The following DLG2 variants were observed in gnomAD, a reference collection of about 807,000 sequenced individuals.
DLG2 encodes discs large MAGUK scaffold protein 2.
DLG2 carries 45 observed loss-of-function variants against 132.5 expected under a neutral mutation model. The observed-to-expected ratio is 0.34, with a 90% CI of 0.27 to 0.44. The LOEUF (loss-of-function observed/expected upper bound fraction) is 0.44, where lower values mean the gene tolerates loss of function less well. DLG2 is among the 20% of genes least tolerant of loss of function. DLG2 has a pLI of 1.00. For synonymous variants in DLG2, 424 were observed against 419.6 expected, an observed-to-expected ratio of 1.01 and a Z score of -0.13; for missense variants, 1,045 against 1,196.9, an observed-to-expected ratio of 0.87 and a Z score of 1.87.
chr11:84,654,367 A>G (rs574737740), intron 6 of DLG2, among the ~76,000 whole-genome samples: 1 of 152,176 alleles, frequency 6.6e-6, no homozygotes, highest in Non-Finnish European at 1.5e-5. Flanking sequence ...GCATTCATAA[A>G]TGTTTTCTTA....
chr11:84,572,252 C>A (rs1053549704), intron 6 of DLG2, among the ~76,000 whole-genome samples: 6 of 152,090 alleles, frequency 3.9e-5, no homozygotes, highest in African/African-American at 1.4e-4. Context: ...AAAATGATTA[C>A]AATTCTTTAT....
intron 6 of DLG2, among the ~76,000 whole-genome samples, chr11:84,793,287 A>AT (rs1598274829): frequency 6.6e-6 from 1 of 152,108 alleles, no homozygotes; most frequent in East Asian, 1.9e-4. Flanking sequence ...TATTATTTCA[A>AT]TTTTTTAAAT....
intron 3 of DLG2, among the ~76,000 whole-genome samples, chr11:85,396,441 G>T (rs2087379134): frequency 6.6e-6 from 1 of 152,148 alleles, no homozygotes; most frequent in Non-Finnish European, 1.5e-5. Flanking sequence ...AGAGGTGACA[G>T]AACTAGGCTT....
At chr11:84,974,376 G>A (rs979683485) in intron 6 of DLG2, among the ~76,000 whole-genome samples, 1 of 152,172 alleles carries the variant, frequency 6.6e-6, no homozygotes, top group African/African-American at 2.4e-5. Flanking sequence ...AGTTCAGCCA[G>A]TTACTATTAA....
At chr11:84,459,775 T>A (rs529352769) in intron 7 of DLG2, among the ~76,000 whole-genome samples, 7 of 150,796 alleles carry the variant, frequency 4.6e-5, no homozygotes, top group African/African-American at 1.2e-4. Flanking sequence ...GAAGTATACA[T>A]CTTTTAATAC....
intron 7 of DLG2, among the ~76,000 whole-genome samples, chr11:84,427,465 T>G (rs2098970593): frequency 6.6e-6 from 1 of 152,132 alleles, no homozygotes; most frequent in South Asian, 2.1e-4. Context: ...ACTGCCTTAC[T>G]GTTCTTGGGT....
intron 6 of DLG2, among the ~76,000 whole-genome samples, chr11:84,549,349 T>A (rs2099397071): frequency 6.6e-6 from 1 of 152,186 alleles, no homozygotes; most frequent in South Asian, 2.1e-4. Context: ...CACTGTACGA[T>A]CTTGTGGGCA....
rs529027762 is a variant in DLG2, at chr11:83,500,063, C to T, written c.2194-15835G>A. Reference sequence around the variant, plus strand: ...ACATGTCCCCTCTTGCTTGCATATACTCCCCTCCATAGCAGAACTTATCCT... The same window carrying T: ...ACATGTCCCCTCTTGCTTGCATATATTCCCCTCCATAGCAGAACTTATCCT... On this transcript the variant is annotated intron_variant, in intron 21 of 27. Coordinates refer to ENST00000376104, the MANE Select transcript of DLG2 (RefSeq NM_001142699.3). Among the ~76,000 whole-genome samples, 6 of 151,456 alleles carry T rather than the reference C, an allele frequency of 4.0e-5. No individual in the cohort carries two copies. The South Asian group carries it at 6.3e-4, about 16-fold the overall frequency.
At chr11:85,308,731 TCTAA>T (rs554588585) in intron 3 of DLG2, among the ~76,000 whole-genome samples, 158 of 152,294 alleles carry the variant, frequency 1.0e-3, no homozygotes, top group African/African-American at 3.7e-3. Context: ...CTTCCACGAC[TCTAA>T]CTAATATGCA....
chr11:83,562,650 T>C (rs940565302), intron 19 of DLG2, among the ~76,000 whole-genome samples: 1 of 152,246 alleles, frequency 6.6e-6, no homozygotes, highest in Non-Finnish European at 1.5e-5. Flanking sequence ...ATATTGTTTC[T>C]AAGCAAATAG....
chr11:85,128,542 G>C (rs1440559329), intron 5 of DLG2, among the ~76,000 whole-genome samples: 1 of 152,050 alleles, frequency 6.6e-6, no homozygotes, highest in Admixed American at 6.6e-5. Flanking sequence ...TGATACTTGA[G>C]AATTCCTAAG....
rs188946345 is a variant in DLG2, at chr11:83,998,795, G to A, written c.920-18153C>T. On this transcript the variant is annotated intron_variant, in intron 11 of 27. Coordinates refer to ENST00000376104, the MANE Select transcript of DLG2 (RefSeq NM_001142699.3). Reference sequence around the variant, plus strand: ...TAGAGTCCTGCCCCCAACAGTCTGTGTACTGCCCTGGAACCCAGCAGTGCC... The same window carrying A: ...TAGAGTCCTGCCCCCAACAGTCTGTATACTGCCCTGGAACCCAGCAGTGCC... Among the ~76,000 whole-genome samples the A allele has an allele frequency of 9.2e-5, 14 of 152,266 alleles. No individual in the cohort carries two copies. The East Asian group carries it at 2.7e-3, about 29-fold the overall frequency.
rs572255477 is a variant in DLG2 at position 84,151,155 on chromosome 11, A to G, written c.624+12306T>C. 2.4e-4 allele frequency among the ~76,000 whole-genome samples: 36 copies of G among 148,502 alleles called. No homozygotes were observed. In the East Asian group the frequency reaches 6.9e-3, roughly 28 times the overall value. On this transcript the variant is annotated intron_variant, in intron 9 of 27. Transcript: ENST00000376104. The stretch of plus-strand genomic sequence containing the variant: ...GTTAGGGAGGGGTCCCTAACCCTAG[A>G]TTTTTTTGGAACAGTTTCAGTGAAA...
intron 18 of DLG2, among the ~76,000 whole-genome samples, chr11:83,735,563 A>G (rs540136763): frequency 6.6e-6 from 1 of 152,294 alleles, no homozygotes; most frequent in South Asian, 2.1e-4. Flanking sequence ...GTGACACATA[A>G]TTTGCACTCT....
At position 84,703,887 on chromosome 11, in the gene DLG2, C is replaced by CGTGT. The variant is rs370287195; in HGVS notation, c.358-169160_358-169157dup. Among the ~76,000 whole-genome samples, 184 of 114,716 alleles carry CGTGT rather than the reference C, an allele frequency of 1.6e-3. 1 individual carries two copies. The highest frequency in any genetic ancestry group is 4.4e-3 in the Middle Eastern group (1 of 226). The allele number at this position is 114,716 out of a possible 152,430, so 75.3% of individuals were successfully genotyped here. On this transcript the variant is annotated intron_variant, in intron 6 of 27. Transcript: ENST00000376104. ...ATATATATATATATATATATATACA[C>CGTGT]GTGTGTGTGTGTGTGTGTGTGTGTG...
chr11:84,484,162 G>C (rs1393779987), intron 7 of DLG2, among the ~76,000 whole-genome samples: 1 of 152,012 alleles, frequency 6.6e-6, no homozygotes, highest in Non-Finnish European at 1.5e-5. Context: ...CTTAGGTATA[G>C]CAATTTAGGT....
intron 3 of DLG2, among the ~76,000 whole-genome samples, chr11:85,537,756 G>A (rs551887263): frequency 2.0e-5 from 3 of 152,036 alleles, no homozygotes; most frequent in African/African-American, 4.8e-5. Context: ...GAACCCACCA[G>A]GAGGAAGAAA....
intron 9 of DLG2, among the ~76,000 whole-genome samples, chr11:84,101,038 T>G (rs899650863): frequency 6.6e-6 from 1 of 152,188 alleles, no homozygotes; most frequent in Non-Finnish European, 1.5e-5. Context: ...AACAGAGTTA[T>G]TACTTATTAG....
chr11:84,428,250 T>C (rs925768163), intron 7 of DLG2, among the ~76,000 whole-genome samples: 4 of 152,208 alleles, frequency 2.6e-5, no homozygotes, highest in African/African-American at 9.6e-5. Flanking sequence ...GCTGAATCCA[T>C]GTGTTTATCA....
Sources: gnomAD v4.1 joint callset for allele counts (sites outside exome capture counted in the v4.1 genomes callset) on GRCh38, gnomAD v4.1.1 for gene constraint, MANE v1.5 for transcripts, NCBI Gene and HGNC (gene_info 2026-07-23, HGNC 2026-07-21) for gene names.